Variants in PRDM11 observed in about 807,000 individuals in gnomAD.
PRDM11 encodes the protein PR domain-containing protein 11.
PRDM11 carries 20 observed loss-of-function variants against 97.8 expected under a neutral mutation model. The observed-to-expected ratio is 0.20, with a 90% confidence interval of 0.14 to 0.30. PRDM11 has a LOEUF of 0.30. Ranked by LOEUF, PRDM11 falls within the 10% of genes least tolerant of loss-of-function variation. PRDM11 has a pLI of 1.00. For missense variants in PRDM11, 1,139 were observed against 1,555.2 expected, an observed-to-expected ratio of 0.73 and a Z score of 4.50; for synonymous variants, 599 against 637.7, an observed-to-expected ratio of 0.94 and a Z score of 0.91.
At chr11:45,149,807 C>T (rs551017754) in intron 1 of PRDM11, among the ~76,000 whole-genome samples, 5 of 152,324 alleles carry the variant, frequency 3.3e-5, no homozygotes, top group East Asian at 3.9e-4. Flanking sequence ...GAAAACTAAA[C>T]CTTTGCTGTT....
chr11:45,208,931 G>A (rs535651360), intron 5 of PRDM11: 7 of 456,454 alleles, frequency 1.5e-5, no homozygotes, highest in Non-Finnish European at 2.6e-5. Context: ...AGGAGGAGCT[G>A]GACATTCTTG....
At chr11:45,194,150 G>C (rs1370355302) in intron 4 of PRDM11, among the ~76,000 whole-genome samples, 2 of 152,206 alleles carry the variant, frequency 1.3e-5, no homozygotes, top group African/African-American at 4.8e-5. Context: ...TGGGGCCAGG[G>C]ATTCAATCTG....
intron 1 of PRDM11, among the ~76,000 whole-genome samples, chr11:45,151,501 A>G (rs951441942): frequency 6.6e-6 from 1 of 152,232 alleles, no homozygotes; most frequent in Non-Finnish European, 1.5e-5. Context: ...TCTGGGTACC[A>G]TTCGGTCCTT....
chr11:45,205,369 T>C (rs556147731), intron 5 of PRDM11, among the ~76,000 whole-genome samples: 69 of 152,112 alleles, frequency 4.5e-4, no homozygotes, highest in Non-Finnish European at 8.5e-4. Flanking sequence ...CACCCAGGGA[T>C]GGCTGAGCTG....
intron 1 of PRDM11, among the ~76,000 whole-genome samples, chr11:45,158,418 G>A (rs1456442643): frequency 1.3e-5 from 2 of 152,242 alleles, no homozygotes. Context: ...AGCAGGCCGG[G>A]CTGTCTGGCT....
intron 4 of PRDM11, among the ~76,000 whole-genome samples, chr11:45,203,488 G>T (rs1853402140): frequency 6.6e-6 from 1 of 151,524 alleles, no homozygotes; most frequent in Admixed American, 6.6e-5. Context: ...CCCCGGATTA[G>T]ACACAGCCAA....
rs2135856675 is a variant in PRDM11 at position 45,226,181 on chromosome 11, G to A, written c.1556G>A (p.Arg519Gln). The A allele has an allele frequency of 1.3e-6, 2 of 1,533,146 alleles. No individual in the cohort carries two copies. The highest frequency in any genetic ancestry group is 2.4e-5 in the South Asian group (2 of 83,966). The allele number at this position is 1,533,146 out of a possible 1,614,324, so 95.0% of individuals were successfully genotyped here. ...TGGCTGAAGAAGTTCTGGTTCCTGCGGTACTCCCCAACCCTCAATGAGATG... is the reference window on the plus strand; with the variant it reads ...TGGCTGAAGAAGTTCTGGTTCCTGCAGTACTCCCCAACCCTCAATGAGATG... Reference protein sequence around the residue: ...QEWLKKFWFLRYSPTLNEMWC... With the variant: ...QEWLKKFWFLQYSPTLNEMWC... The change falls in exon 8 of 8, where the codon CGG becomes CAG. Residue 519 changes from arginine (R) to glutamine (Q), a missense_variant. This residue lies in a region of PRDM11 where 710 missense variants were observed against 1,044.9 expected (regional missense o/e 0.68). Transcript: ENST00000683152.
At chr11:45,157,731 G>A (rs1206504780) in intron 1 of PRDM11, among the ~76,000 whole-genome samples, 1 of 152,240 alleles carries the variant, frequency 6.6e-6, no homozygotes, top group Non-Finnish European at 1.5e-5. Flanking sequence ...TGGCCTGGTT[G>A]GTGGGGTCAC....
chr11:45,107,492 T>G (rs1048056393), intron 1 of PRDM11, among the ~76,000 whole-genome samples: 2 of 152,164 alleles, frequency 1.3e-5, no homozygotes, highest in African/African-American at 4.8e-5. Context: ...AGAGTAAGTC[T>G]AATGAATGTC....
At chr11:45,145,173 C>T (rs767302446), upstream of PRDM11, among the ~76,000 whole-genome samples, 8 of 152,146 alleles carry the variant, frequency 5.3e-5, no homozygotes, top group Non-Finnish European at 1.2e-4. Flanking sequence ...GAGCCAGGAA[C>T]GTGGGTATTA....
rs565160213 is a variant in PRDM11, at chr11:45,234,434, C to T, written c.*6275C>T. The T allele has an allele frequency of 5.2e-5, 8 of 152,858 alleles. No homozygotes were observed. The highest frequency in any genetic ancestry group is 3.3e-3 in the Middle Eastern group (1 of 304). The allele number at this position is 152,858 out of a possible 1,614,324, so 9.5% of individuals were successfully genotyped here. A position where few individuals can be genotyped will look rare whatever the true frequency, so the allele number is the denominator to read the frequency against. On this transcript the variant is annotated 3_prime_UTR_variant, in exon 8 of 8. Transcript: ENST00000683152. ...CCACCCCTCCACCTGCAGCCCAGGG[C>T]GGGTCTGTTCTGCCAATGCCCACCT... is the stretch of plus-strand genomic sequence containing the variant.
intron 1 of PRDM11, among the ~76,000 whole-genome samples, chr11:45,177,834 A>G (rs1438296919): frequency 6.6e-6 from 1 of 152,214 alleles, no homozygotes; most frequent in Admixed American, 6.5e-5. Flanking sequence ...CTTTTACAAC[A>G]GATTCCCGGC....
At chr11:45,165,288 T>TC (rs1852034861) in intron 1 of PRDM11, among the ~76,000 whole-genome samples, 1 of 152,176 alleles carries the variant, frequency 6.6e-6, no homozygotes, top group Non-Finnish European at 1.5e-5. Flanking sequence ...CCTGGAAATC[T>TC]CCAACTGATG....
chr11:45,110,303 A>G (rs936020845), intron 1 of PRDM11, among the ~76,000 whole-genome samples: 6 of 144,838 alleles, frequency 4.1e-5, no homozygotes, highest in Admixed American at 1.3e-4. Context: ...CCCTGAGTAC[A>G]TGCCCTTACA....
chr11:45,213,289 C>T (rs1322046784), intron 5 of PRDM11: 1 of 456,534 alleles, frequency 2.2e-6, no homozygotes, highest in East Asian at 6.9e-5. Context: ...GCTTGCTTGG[C>T]CTGGAGATCG....
At chr11:45,108,052 A>G (rs1231645026) in intron 1 of PRDM11, among the ~76,000 whole-genome samples, 1 of 152,000 alleles carries the variant, frequency 6.6e-6, no homozygotes. Context: ...CACCATGTTG[A>G]CTAGGCTGGT....
Position 45,166,850 on chromosome 11 carries a change from G to T in PRDM11, c.-6-14911G>T, listed in dbSNP as rs533384765. On this transcript the variant is annotated intron_variant, in intron 1 of 7. Transcript: ENST00000683152. The stretch of plus-strand genomic sequence containing the variant: ...ACAGTGCCTCCTCCTCCACTTGCTG[G>T]ATCAGCCAGAGAAGCCCAAGTATGC... Among the ~76,000 whole-genome samples the T allele has an allele frequency of 3.9e-5, 6 of 152,300 alleles. No homozygotes were observed. The South Asian group carries it at 8.3e-4, about 21-fold the overall frequency.
chr11:45,118,245 AG>A (rs1209033625), intron 1 of PRDM11, among the ~76,000 whole-genome samples: 1 of 152,234 alleles, frequency 6.6e-6, no homozygotes, highest in Admixed American at 6.5e-5. Context: ...ACAAAAAACC[AG>A]GTGAAACCTA....
At chr11:45,178,773 C>A (rs544075630) in intron 1 of PRDM11, among the ~76,000 whole-genome samples, 1 of 152,336 alleles carries the variant, frequency 6.6e-6, no homozygotes, top group Non-Finnish European at 1.5e-5. Flanking sequence ...AAGCGTATGA[C>A]CCTCAGAGTG....
Sources: gnomAD v4.1 joint callset for allele counts (sites outside exome capture counted in the v4.1 genomes callset) on GRCh38, gnomAD v4.1.1 for gene constraint, gnomAD v4.1.1 regional missense constraint, MANE v1.5 for transcripts, NCBI Gene and HGNC (gene_info 2026-07-23, HGNC 2026-07-21) for gene names.